WIPF2: variants seen among roughly 807,000 people sequenced by gnomAD.
WIPF2 encodes WAS/WASL interacting protein family member 2, also known as WAS/WASL-interacting protein family member 2.
Under a neutral mutation model 38.8 loss-of-function variants are expected in WIPF2, and 23 were observed. The ratio of observed to expected loss-of-function variants is 0.59; its 90% CI spans 0.43 to 0.84. The LOEUF is 0.84. Among genes scored for constraint, WIPF2 ranks in the 40% least tolerant of loss-of-function variants. WIPF2 has a pLI of 0.00. For missense variants in WIPF2, 574 were observed against 580.5 expected (o/e 0.99, Z 0.11); for synonymous variants, 210 against 223.2 (o/e 0.94, Z 0.53).
chr17:40,263,515 A>ATATTT lies in WIPF2; in HGVS notation c.313+895_313+899dup, dbSNP rs1019655161. ...TATATTTCAAAATTGCTAAAAGAGT[A>ATATTT]TATTTTATTTTATTTTATTTTATTT... On this transcript the variant is annotated intron_variant, in intron 4 of 7. Transcript: ENST00000323571. 3.3e-4 allele frequency among the ~76,000 whole-genome samples: 48 copies of ATATTT among 145,992 alleles called. 1 individual carries two copies. Among genetic ancestry groups the ATATTT allele is most frequent in the African/African-American group, 8.9e-4 (35 of 39,466 alleles).
chr17:40,240,263 C>T (rs543710433), intron 1 of WIPF2, among the ~76,000 whole-genome samples: 1 of 152,010 alleles, frequency 6.6e-6, no homozygotes, highest in East Asian at 1.9e-4. Context: ...CGGGGTTTCA[C>T]CAGGTTGACC....
chr17:40,274,119 A>G (rs949071278), intron 6 of WIPF2, 120 bp downstream of exon 6: 18 of 776,650 alleles, frequency 2.3e-5, no homozygotes, highest in East Asian at 1.2e-4. Flanking sequence ...TTTGTTCACA[A>G]TAGTTCTCCT....
At chr17:40,243,687 ATTTTT>A (rs929061465) in intron 1 of WIPF2, among the ~76,000 whole-genome samples, 3 of 142,760 alleles carry the variant, frequency 2.1e-5, no homozygotes, top group African/African-American at 7.7e-5. Flanking sequence ...CTAATTTTGT[ATTTTT>A]TTTTTTTAAG....
intron 1 of WIPF2, among the ~76,000 whole-genome samples, chr17:40,239,508 G>A (rs1177881008): frequency 6.6e-6 from 1 of 152,076 alleles, no homozygotes; most frequent in Non-Finnish European, 1.5e-5. Context: ...GAGAGTATAA[G>A]CCAGTGGCAG....
Position 40,262,642 on chromosome 17 carries a change from G to A in WIPF2, c.313+1G>A. 1 of 1,611,402 alleles carries A rather than the reference G, an allele frequency of 6.2e-7. No individual in the cohort carries two copies. The highest frequency in any genetic ancestry group is 8.5e-7 in the Non-Finnish European group (1 of 1,177,690). On this transcript the variant is annotated splice_donor_variant, in intron 4 of 7. Transcript: ENST00000323571. LOFTEE classifies it high-confidence loss of function. ...CCTGTGGGAGCCAAGGATGGTTCAG[G>A]TATCTGATGAGTACTTTCCCAGGGT...
chr17:40,245,314 T>A (rs2095595442), intron 1 of WIPF2, among the ~76,000 whole-genome samples: 1 of 152,006 alleles, frequency 6.6e-6, no homozygotes, highest in Admixed American at 6.6e-5. Flanking sequence ...CTTAGCAACC[T>A]CAGCATTGTT....
chr17:40,254,898 T>G (rs2145359093), intron 1 of WIPF2, among the ~76,000 whole-genome samples: 1 of 152,122 alleles, frequency 6.6e-6, no homozygotes, highest in Admixed American at 6.6e-5. Context: ...GCCCAGCTAA[T>G]TTTTGCATTT....
chr17:40,251,337 C>G (rs1256550581), intron 1 of WIPF2, among the ~76,000 whole-genome samples: 1 of 149,616 alleles, frequency 6.7e-6, no homozygotes, highest in Admixed American at 6.7e-5. Context: ...TGTTTTGGTT[C>G]ATTTTTTTTT....
rs550598605 is a variant in WIPF2, at chr17:40,224,635, G to A, written c.-70+5143G>A. The stretch of plus-strand genomic sequence containing the variant: ...TGCTTGAGCCAGTCCTATGTAGAAA[G>A]TGGCAAATTACACATTTTTTCTCCC... On this transcript the variant is annotated intron_variant, in intron 1 of 7. Coordinates refer to ENST00000323571, the MANE Select transcript of WIPF2 (RefSeq NM_133264.5). Among the ~76,000 whole-genome samples, 6 of 151,762 alleles carry A rather than the reference G, an allele frequency of 4.0e-5. No individual in the cohort carries two copies. In the South Asian group the frequency reaches 1.3e-3, roughly 32 times the overall value.
At chr17:40,263,008 C>CA (rs1205479720) in intron 4 of WIPF2, among the ~76,000 whole-genome samples, 1 of 152,142 alleles carries the variant, frequency 6.6e-6, no homozygotes, top group East Asian at 1.9e-4. Flanking sequence ...CAGTTGAACT[C>CA]ACTCGTAGAA....
Position 40,262,644 on chromosome 17 carries a change from A to G in WIPF2, c.313+3A>G. On this transcript the variant is annotated splice_donor_region_variant and intron_variant, in intron 4 of 7. Coordinates refer to ENST00000323571, the MANE Select transcript of WIPF2 (RefSeq NM_133264.5). ...TGTGGGAGCCAAGGATGGTTCAGGT[A>G]TCTGATGAGTACTTTCCCAGGGTAT... 4.3e-6 allele frequency: 7 copies of G among 1,609,996 alleles called. No individual in the cohort carries two copies. Among genetic ancestry groups the G allele is most frequent in the Non-Finnish European group, 5.1e-6 (6 of 1,176,436 alleles).
At chr17:40,238,186 A>G (rs2031052808) in intron 1 of WIPF2, among the ~76,000 whole-genome samples, 1 of 152,010 alleles carries the variant, frequency 6.6e-6, no homozygotes, top group Admixed American at 6.6e-5. Context: ...TCTGAATTTT[A>G]CATGTATTTT....
At chr17:40,263,123 G>A (rs2031966463) in intron 4 of WIPF2, among the ~76,000 whole-genome samples, 1 of 152,094 alleles carries the variant, frequency 6.6e-6, no homozygotes, top group Non-Finnish European at 1.5e-5. Flanking sequence ...TAGACAGGAG[G>A]GGTAAGTTTT....
chr17:40,240,509 G>GT (rs1199913156), intron 1 of WIPF2, among the ~76,000 whole-genome samples: 4 of 150,084 alleles, frequency 2.7e-5, no homozygotes, highest in African/African-American at 9.8e-5. Context: ...CCACTGCAGT[G>GT]TTTTGTTTTT....
At chr17:40,245,157 A>G (rs1489122472) in intron 1 of WIPF2, among the ~76,000 whole-genome samples, 2 of 152,080 alleles carry the variant, frequency 1.3e-5, no homozygotes, top group South Asian at 2.1e-4. Flanking sequence ...ATTCCAGTCT[A>G]TTCCTATACT....
At chr17:40,265,279 C>A in intron 5 of WIPF2, 133 bp downstream of exon 5, 1 of 1,155,306 alleles carries the variant, frequency 8.7e-7, no homozygotes, top group Non-Finnish European at 1.2e-6. Flanking sequence ...TGTGTCAGGT[C>A]TGTTGGTAGG....
chr17:40,234,477 A>G (rs9911840), intron 1 of WIPF2, among the ~76,000 whole-genome samples: 21,317 of 151,578 alleles, frequency 0.14, 1,585 homozygotes, highest in East Asian at 0.29. Context: ...GAAATTATCT[A>G]GGTATGGTGG....
chr17:40,228,015 T>G (rs1225582931), intron 1 of WIPF2, among the ~76,000 whole-genome samples: 3 of 117,646 alleles, frequency 2.6e-5, no homozygotes, highest in East Asian at 2.4e-4. Flanking sequence ...TTTTTGTTTT[T>G]TTTTTTTTTT....
chr17:40,232,420 C>T lies in WIPF2; in HGVS notation c.-70+12928C>T, dbSNP rs2030788074. The stretch of plus-strand genomic sequence containing the variant: ...GGCCAGGCTGGTCTTGAACTCCTGA[C>T]CTCAAGCAGTCCACCCGCCTTGGCC... On this transcript the variant is annotated intron_variant, in intron 1 of 7. Transcript: ENST00000323571. Among the ~76,000 whole-genome samples the T allele has an allele frequency of 2.0e-5, 3 of 150,766 alleles. No homozygotes were observed. In the South Asian group the frequency reaches 6.3e-4, roughly 32 times the overall value.
Sources: allele counts gnomAD v4.1 joint callset (sites outside exome capture counted in the v4.1 genomes callset), GRCh38; gene constraint gnomAD v4.1.1; transcripts MANE v1.5; gene names NCBI Gene and HGNC (gene_info 2026-07-23, HGNC 2026-07-21).